The following MGLL variants were observed in gnomAD, a reference collection of about 807,000 sequenced individuals.
MGLL encodes the protein monoglyceride lipase.
In MGLL, 7 loss-of-function variants were observed where a neutral mutation model predicts 29.1. The observed-to-expected ratio is 0.24, with a 90% CI of 0.14 to 0.45. MGLL has a LOEUF of 0.45. MGLL is among the 20% of genes least tolerant of loss of function. The pLI is 0.99. For missense variants in MGLL, 356 were observed against 413.6 expected (o/e 0.86, Z 1.21); for synonymous variants, 148 against 168.3 (o/e 0.88, Z 0.93).
chr3:127,732,092 G>T (rs1204602482), intron 3 of MGLL, among the ~76,000 whole-genome samples: 1 of 152,190 alleles, frequency 6.6e-6, no homozygotes, highest in South Asian at 2.1e-4. Context: ...AATGGGAAGA[G>T]CCAGCCTCCC....
intron 2 of MGLL, among the ~76,000 whole-genome samples, chr3:127,782,564 G>A (rs1335284016): frequency 6.6e-6 from 1 of 152,204 alleles, no homozygotes; most frequent in Non-Finnish European, 1.5e-5. Context: ...GGGCAGGCAG[G>A]TCCTCCACCA....
At chr3:127,783,418 C>G (rs1355611696) in intron 2 of MGLL, among the ~76,000 whole-genome samples, 1 of 152,194 alleles carries the variant, frequency 6.6e-6, no homozygotes, top group Non-Finnish European at 1.5e-5. Flanking sequence ...AGTTGCCTGC[C>G]TGCTTCCTGA....
intron 2 of MGLL, among the ~76,000 whole-genome samples, chr3:127,790,689 G>A (rs551149265): frequency 2.0e-5 from 3 of 152,262 alleles, no homozygotes; most frequent in Admixed American, 6.5e-5. Context: ...TACGGAAGTC[G>A]CATGGGAAAC....
chr3:127,772,058 T>C lies in MGLL; in HGVS notation c.262+9731A>G, dbSNP rs185951409. 9.1e-4 allele frequency among the ~76,000 whole-genome samples: 139 copies of C among 152,298 alleles called. 2 individuals are homozygous for C. The highest frequency in any genetic ancestry group is 3.4e-3 in the Middle Eastern group (1 of 294). On this transcript the variant is annotated intron_variant, in intron 3 of 7. Coordinates refer to ENST00000265052, the MANE Select transcript of MGLL (RefSeq NM_007283.7). ...CCCTCAAAAAGCAAAAGAGGTGTCA[T>C]GGGAGGAAGAAAGAAAACCTGCGTT...
chr3:127,733,497 C>T (rs1198631929), intron 3 of MGLL, among the ~76,000 whole-genome samples: 1 of 152,108 alleles, frequency 6.6e-6, no homozygotes, highest in Non-Finnish European at 1.5e-5. Flanking sequence ...GATCAGGACC[C>T]CTTTCTGGTA....
chr3:127,693,548 T>C (rs1354172645), intron 7 of MGLL, among the ~76,000 whole-genome samples: 1 of 152,148 alleles, frequency 6.6e-6, no homozygotes, highest in African/African-American at 2.4e-5. Context: ...TCAATCTCTC[T>C]CTTGCCTCAG....
chr3:127,703,805 A>G (rs1368673086), intron 6 of MGLL, among the ~76,000 whole-genome samples: 1 of 152,242 alleles, frequency 6.6e-6, no homozygotes, highest in African/African-American at 2.4e-5. Context: ...ATATTTGTAT[A>G]TGTGGTTAAT....
chr3:127,781,492 G>T (rs573464583), intron 3 of MGLL, among the ~76,000 whole-genome samples: 2 of 152,292 alleles, frequency 1.3e-5, no homozygotes, highest in South Asian at 4.1e-4. Flanking sequence ...CATTTTGAGA[G>T]AAAGCACTTT....
chr3:127,817,474 G>A (rs2077777908), intron 2 of MGLL, among the ~76,000 whole-genome samples: 2 of 152,236 alleles, frequency 1.3e-5, no homozygotes. Flanking sequence ...GACTAGCACT[G>A]AGGAAAGATG....
At chr3:127,730,767 G>A (rs1016129990) in intron 3 of MGLL, among the ~76,000 whole-genome samples, 1 of 152,242 alleles carries the variant, frequency 6.6e-6, no homozygotes, top group African/African-American at 2.4e-5. Flanking sequence ...AGGGTCCTGA[G>A]AGCAGGGGTG....
At chr3:127,749,176 C>T (rs963403780) in intron 3 of MGLL, among the ~76,000 whole-genome samples, 5 of 152,244 alleles carry the variant, frequency 3.3e-5, no homozygotes, top group African/African-American at 1.2e-4. Context: ...AGGGCTGGCA[C>T]AGGGCCTGGC....
intron 2 of MGLL, among the ~76,000 whole-genome samples, chr3:127,794,712 A>C (rs932211739): frequency 2.6e-5 from 4 of 152,108 alleles, no homozygotes; most frequent in Non-Finnish European, 5.9e-5. Flanking sequence ...ATGTAAGACT[A>C]TCTTCTATGA....
At chr3:127,714,977 C>T (rs1407719255) in intron 5 of MGLL, among the ~76,000 whole-genome samples, 2 of 152,158 alleles carry the variant, frequency 1.3e-5, no homozygotes, top group African/African-American at 4.8e-5. Context: ...CAGTGTGGTC[C>T]TCAAACCAGC....
intron 3 of MGLL, among the ~76,000 whole-genome samples, chr3:127,762,689 G>A (rs2076787054): frequency 6.6e-6 from 1 of 152,202 alleles, no homozygotes; most frequent in African/African-American, 2.4e-5. Flanking sequence ...GCAGCCCACT[G>A]CTCTGTCAGG....
intron 2 of MGLL, among the ~76,000 whole-genome samples, chr3:127,792,143 T>A (rs2077310327): frequency 6.6e-6 from 1 of 152,210 alleles, no homozygotes; most frequent in Non-Finnish European, 1.5e-5. Context: ...TATGTCTAGG[T>A]CCTTCTCTCT....
chr3:127,721,744 G>A (rs1443225152), intron 4 of MGLL, among the ~76,000 whole-genome samples: 1 of 152,140 alleles, frequency 6.6e-6, no homozygotes, highest in Non-Finnish European at 1.5e-5. Context: ...TAAGAGAAAT[G>A]TAAGGACAGA....
intron 3 of MGLL, among the ~76,000 whole-genome samples, chr3:127,741,375 C>T (rs557750691): frequency 2.0e-5 from 3 of 152,324 alleles, no homozygotes; most frequent in East Asian, 3.9e-4. Flanking sequence ...CTGAGTGTGG[C>T]GCTGGATGCC....
intron 5 of MGLL, chr3:127,712,972 G>A (rs1431884738): frequency 6.6e-6 from 1 of 152,278 alleles, no homozygotes; most frequent in African/African-American, 2.4e-5. Flanking sequence ...AAATGGAGTG[G>A]ATCAGTGCAT....
intron 7 of MGLL, among the ~76,000 whole-genome samples, chr3:127,693,246 ACT>A (rs1576463095): frequency 1.3e-5 from 2 of 151,526 alleles, no homozygotes; most frequent in African/African-American, 4.9e-5. Flanking sequence ...CAGTGATCTC[ACT>A]CTCTGCCACC....
Sources: allele counts gnomAD v4.1 joint callset (sites outside exome capture counted in the v4.1 genomes callset), GRCh38; gene constraint gnomAD v4.1.1; transcripts MANE v1.5; gene names NCBI Gene and HGNC (gene_info 2026-07-23, HGNC 2026-07-21).